CRB1: variants seen among roughly 807,000 people sequenced by gnomAD.
CRB1 encodes the protein protein crumbs homolog 1.
Under a neutral mutation model 120.0 loss-of-function variants are expected in CRB1, and 83 were observed. The ratio of observed to expected loss-of-function variants is 0.69; its 90% CI spans 0.58 to 0.83. The LOEUF is 0.83. Among genes scored for constraint, CRB1 ranks in the 40% least tolerant of loss-of-function variants. The probability of loss-of-function intolerance (pLI) is 0.00; values close to 1 mark genes in which losing one functional copy is unlikely to be tolerated. For synonymous variants in CRB1, 625 were observed against 612.5 expected, an observed-to-expected ratio of 1.02 and a Z score of -0.30; for missense variants, 1,699 against 1,687.6, an observed-to-expected ratio of 1.01 and a Z score of -0.12.
intron 1 of CRB1, among the ~76,000 whole-genome samples, chr1:197,287,018 T>C (rs1489841332): frequency 6.6e-6 from 1 of 151,912 alleles, no homozygotes; most frequent in Non-Finnish European, 1.5e-5. Flanking sequence ...GGTTGATAGA[T>C]TCATTTAATG....
rs62636281 is a variant in CRB1, at chr1:197,442,236, A to G, written c.3949A>G (p.Asn1317Asp). The G allele has an allele frequency of 1.2e-6, 2 of 1,614,178 alleles. No homozygotes were observed. ...VNGGLCQDLLNKFQCLCDVAF... is the reference protein window; with the variant it reads ...VNGGLCQDLLDKFQCLCDVAF... Reference sequence around the variant, plus strand: ...TGGAGGTCTGTGCCAGGACTTACTCAACAAATTCCAGTGCCTCTGTGATGT... The same window carrying G: ...TGGAGGTCTGTGCCAGGACTTACTCGACAAATTCCAGTGCCTCTGTGATGT... Residue 1317 changes from asparagine to aspartate, a missense_variant, in exon 11 of 12, where the codon AAC becomes GAC. Transcript: ENST00000367400.
intron 1 of CRB1, among the ~76,000 whole-genome samples, chr1:197,308,192 A>G (rs1657285877): frequency 6.6e-6 from 1 of 152,204 alleles, no homozygotes; most frequent in Non-Finnish European, 1.5e-5. Context: ...AATAGAAAAT[A>G]AAATACTGTA....
chr1:197,438,065 T>G, intron 9 of CRB1: 1 of 188,640 alleles, frequency 5.3e-6, no homozygotes, highest in Non-Finnish European at 1.1e-5. Flanking sequence ...AAGCTATGAA[T>G]TATTACATAG....
At chr1:197,213,971 T>G in the CRB1 span, among the ~76,000 whole-genome samples, 2 of 150,800 alleles carry the variant, frequency 1.3e-5, no homozygotes, top group Non-Finnish European at 3.0e-5. Context: ...CTCAAAGAAG[T>G]AGAAAAGGAA....
At chr1:197,304,237 T>C (rs1657038963) in intron 1 of CRB1, 1 of 196,486 alleles carries the variant, frequency 5.1e-6, no homozygotes, top group Admixed American at 6.5e-5. Context: ...GAATATAATA[T>C]ACTCTTTAAT....
intron 11 of CRB1, among the ~76,000 whole-genome samples, chr1:197,469,500 A>G (rs1293793587): frequency 6.6e-6 from 1 of 152,190 alleles, no homozygotes; most frequent in African/African-American, 2.4e-5. Context: ...CTGGGCATAG[A>G]GTAATGAAGA....
At position 197,442,843 on chromosome 1, in the gene CRB1, G is replaced by C. The variant is rs182352617; in HGVS notation, c.4005+551G>C. 756 of 199,078 alleles carry C rather than the reference G, an allele frequency of 3.8e-3. 9 individuals carry two copies. The highest frequency in any genetic ancestry group is 0.017 in the African/African-American group (699 of 41,786). The allele number at this position is 199,078 out of a possible 1,614,324, so 12.3% of individuals were successfully genotyped here. Reference sequence around the variant, plus strand: ...TATGACACAAAAATTGAGAATTACAGGCCAGGTGTGGTGGTTCACTCCTAT... The same window carrying C: ...TATGACACAAAAATTGAGAATTACACGCCAGGTGTGGTGGTTCACTCCTAT... On this transcript the variant is annotated intron_variant, in intron 11 of 11. Coordinates refer to ENST00000367400, the MANE Select transcript of CRB1 (RefSeq NM_201253.3).
intron 2 of CRB1, among the ~76,000 whole-genome samples, chr1:197,331,861 G>A (rs748344670): frequency 1.3e-4 from 20 of 152,010 alleles, no homozygotes; most frequent in Middle Eastern, 3.4e-3. Flanking sequence ...CCTTTCAGTC[G>A]TCTAAATTTA....
At chr1:197,378,388 G>A (rs1448198376) in intron 5 of CRB1, among the ~76,000 whole-genome samples, 1 of 152,148 alleles carries the variant, frequency 6.6e-6, no homozygotes, top group East Asian at 1.9e-4. Context: ...ATATCTTACA[G>A]CTACAGATTA....
intron 2 of CRB1, among the ~76,000 whole-genome samples, chr1:197,329,516 G>A (rs968127318): frequency 4.6e-5 from 7 of 152,120 alleles, no homozygotes; most frequent in South Asian, 2.1e-4. Context: ...CTTGTTTTAC[G>A]TCTTAGAGCA....
At chr1:197,208,174 A>G in the CRB1 span, among the ~76,000 whole-genome samples, 209 of 151,886 alleles carry the variant, frequency 1.4e-3, no homozygotes, top group Non-Finnish European at 2.1e-3. Flanking sequence ...TTTCTCTGGT[A>G]CCTCCTTGAT....
intron 1 of CRB1, among the ~76,000 whole-genome samples, chr1:197,327,169 T>C (rs1008502986): frequency 4.8e-5 from 7 of 144,754 alleles, no homozygotes; most frequent in Non-Finnish European, 7.5e-5. Context: ...GCAGGCCTGG[T>C]ACCCATCTGT....
chr1:197,251,207 T>C, the CRB1 span, among the ~76,000 whole-genome samples: 1 of 152,060 alleles, frequency 6.6e-6, no homozygotes, highest in South Asian at 2.1e-4. Context: ...CTCTGTATTT[T>C]GGTTTCCTTA....
intron 5 of CRB1, among the ~76,000 whole-genome samples, chr1:197,415,316 G>T (rs1663922275): frequency 6.6e-6 from 1 of 152,130 alleles, no homozygotes; most frequent in African/African-American, 2.4e-5. Flanking sequence ...ACTTCATTCT[G>T]TTACATATCC....
chr1:197,338,208 G>A (rs1406281801), intron 2 of CRB1, among the ~76,000 whole-genome samples: 1 of 152,020 alleles, frequency 6.6e-6, no homozygotes, highest in African/African-American at 2.4e-5. Flanking sequence ...TAAAAAGTGT[G>A]GGTGTATATA....
chr1:197,255,697 C>T, the CRB1 span, among the ~76,000 whole-genome samples: 9 of 151,858 alleles, frequency 5.9e-5, no homozygotes, highest in African/African-American at 1.9e-4. Flanking sequence ...AACACATACT[C>T]CATTTTCAAA....
chr1:197,302,107 A>G (rs1344752001), intron 1 of CRB1, among the ~76,000 whole-genome samples: 1 of 152,212 alleles, frequency 6.6e-6, no homozygotes, highest in Non-Finnish European at 1.5e-5. Context: ...AAGAGTCAAT[A>G]GAAGCAACAA....
Position 197,477,806 on chromosome 1 carries a change from G to T in CRB1, c.4148G>T (p.Arg1383Leu), listed in dbSNP as rs200573274. ...ACTCAGGGAACCTACAGCCCCAGCC[G>T]TCAGGAGAAGGAGGGCTCCCGAGTG... ...RATQGTYSPSRQEKEGSRVEM... is the reference protein window; with the variant it reads ...RATQGTYSPSLQEKEGSRVEM... Residue 1383 changes from arginine to leucine, a missense_variant, in exon 12 of 12, where the codon CGT becomes CTT. Arg to Leu is a moderately radical substitution (Grantham distance 102). Transcript: ENST00000367400. 5.6e-6 allele frequency: 9 copies of T among 1,613,866 alleles called. No individual in the cohort carries two copies. Among genetic ancestry groups the T allele is most frequent in the African/African-American group, 1.3e-5 (1 of 75,006 alleles).
rs545636342 is a variant in CRB1 at position 197,424,232 on chromosome 1, A to G, written c.2128+2276A>G. Among the ~76,000 whole-genome samples the G allele has an allele frequency of 2.0e-5, 3 of 152,266 alleles. No individual in the cohort carries two copies. The South Asian group carries it at 6.2e-4, about 32-fold the overall frequency. On this transcript the variant is annotated intron_variant, in intron 6 of 11. Transcript: ENST00000367400. ...AAACACCTTCACAAATAGAGAGATCACTCACTCCATCTTGCCAAAAATTGC... is the reference window on the plus strand; with the variant it reads ...AAACACCTTCACAAATAGAGAGATCGCTCACTCCATCTTGCCAAAAATTGC...
Sources: gnomAD v4.1 joint callset for allele counts (sites outside exome capture counted in the v4.1 genomes callset) on GRCh38, gnomAD v4.1.1 for gene constraint, MANE v1.5 for transcripts, NCBI Gene and HGNC (gene_info 2026-07-23, HGNC 2026-07-21) for gene names.